Variants in CDC42BPA observed in about 807,000 individuals in gnomAD.
CDC42BPA encodes CDC42 binding protein kinase alpha, also known as serine/threonine-protein kinase MRCK alpha.
A neutral mutation model predicts 223.5 loss-of-function variants in CDC42BPA; 80 were observed. The ratio of observed to expected loss-of-function variants is 0.36; its 90% CI spans 0.30 to 0.43. The LOEUF (loss-of-function observed/expected upper bound fraction) is 0.43, where lower values mean the gene tolerates loss of function less well. Ranked by LOEUF, CDC42BPA falls within the 20% of genes least tolerant of loss-of-function variation. The pLI is 1.00. For synonymous variants in CDC42BPA, 694 were observed against 718.6 expected (o/e 0.97, Z 0.55); for missense variants, 1,743 against 2,099.9 (o/e 0.83, Z 3.32).
chr1:227,058,648 T>C (rs1004833114), intron 21 of CDC42BPA, among the ~76,000 whole-genome samples: 10 of 152,116 alleles, frequency 6.6e-5, no homozygotes, highest in African/African-American at 2.4e-4. Flanking sequence ...TCTCTGGGCA[T>C]GTCAGAATCT....
chr1:227,114,226 C>T (rs1307245112), intron 12 of CDC42BPA, among the ~76,000 whole-genome samples: 1 of 151,862 alleles, frequency 6.6e-6, no homozygotes, highest in Non-Finnish European at 1.5e-5. Flanking sequence ...ATCACCTATT[C>T]CCCATCCTCA....
Position 226,994,214 on chromosome 1 carries a change from AGAG to A in CDC42BPA, c.*51_*53del. ...GAGGTGGAGGGAAGAGATGAAAGTG[AGAG>A]GAGGCGAGTGGCAGGGAGCGGAGAG... is the stretch of plus-strand genomic sequence containing the variant. On this transcript the variant is annotated 3_prime_UTR_variant, in exon 37 of 37. Transcript: ENST00000366766. This position sits in a 1 kb window ranked among gnomAD's most constrained non-coding sequence, Gnocchi z 4.0. The A allele has an allele frequency of 3.3e-6, 5 of 1,526,626 alleles. No homozygotes were observed. Among genetic ancestry groups the A allele is most frequent in the Non-Finnish European group, 4.4e-6 (5 of 1,128,666 alleles). 94.6% of individuals were successfully genotyped at this position (1,526,626 alleles called of 1,614,324 possible).
intron 15 of CDC42BPA, among the ~76,000 whole-genome samples, chr1:227,100,777 T>TGTGTGTGTGC (rs777124731): frequency 1.6e-4 from 21 of 128,604 alleles, no homozygotes; most frequent in African/African-American, 5.4e-4. Flanking sequence ...TGTGTGTGTG[T>TGTGTGTGTGC]GCGTGTGCCA....
chr1:227,205,462 T>C lies in CDC42BPA; in HGVS notation c.355-5810A>G, dbSNP rs74229347. On this transcript the variant is annotated intron_variant, in intron 3 of 36. Transcript: ENST00000366766. ...GCCTTGTAATATGATTTCATTATAATAAAATTTTCTGTTGAGGATAAATAA... is the reference window on the plus strand; with the variant it reads ...GCCTTGTAATATGATTTCATTATAACAAAATTTTCTGTTGAGGATAAATAA... Among the ~76,000 whole-genome samples, 50 of 151,976 alleles carry C rather than the reference T, an allele frequency of 3.3e-4. No homozygotes were observed. In the East Asian group the frequency reaches 9.3e-3, roughly 28 times the overall value.
chr1:227,195,397 T>C (rs1431905193), intron 4 of CDC42BPA, among the ~76,000 whole-genome samples: 2 of 152,122 alleles, frequency 1.3e-5, no homozygotes, highest in African/African-American at 4.8e-5. Context: ...TTTCACCACG[T>C]TGCCCAGGAT....
chr1:227,080,007 T>A (rs556530566), intron 17 of CDC42BPA, among the ~76,000 whole-genome samples: 1 of 115,458 alleles, frequency 8.7e-6, no homozygotes, highest in South Asian at 2.5e-4. Flanking sequence ...TTATAATAAT[T>A]TCTTGTGTAT....
Position 227,119,948 on chromosome 1 carries a change from A to T in CDC42BPA, c.1514-11T>A. 6.4e-7 allele frequency: 1 copy of T among 1,569,184 alleles called. No individual in the cohort carries two copies. Among genetic ancestry groups the T allele is most frequent in the Non-Finnish European group, 8.6e-7 (1 of 1,163,160 alleles). ...CCAAATGACTTGATTCTAAAAACAA[A>T]AGACAATGTTTCTTTTACTATTTGT... is the stretch of plus-strand genomic sequence containing the variant. On this transcript the variant is annotated splice_polypyrimidine_tract_variant and intron_variant, in intron 11 of 36. Coordinates refer to ENST00000366766, the MANE Select transcript of CDC42BPA (RefSeq NM_001394014.1).
At chr1:227,122,697 G>C (rs1294838017) in intron 11 of CDC42BPA, among the ~76,000 whole-genome samples, 1 of 152,174 alleles carries the variant, frequency 6.6e-6, no homozygotes, top group South Asian at 2.1e-4. Context: ...TGTTGGAAAA[G>C]ATAACCCCTC....
At chr1:227,100,894 A>C (rs1024245353) in intron 15 of CDC42BPA, 98 bp downstream of exon 15, 1 of 786,238 alleles carries the variant, frequency 1.3e-6, no homozygotes, top group Admixed American at 3.0e-5. Flanking sequence ...GGTCTCCTTT[A>C]GGTCTAGGAT....
chr1:227,070,648 G>A (rs1015486293), intron 20 of CDC42BPA, among the ~76,000 whole-genome samples: 4 of 151,788 alleles, frequency 2.6e-5, no homozygotes, highest in African/African-American at 9.7e-5. Flanking sequence ...TATTGAGAGT[G>A]TGCCAGACAC....
intron 6 of CDC42BPA, among the ~76,000 whole-genome samples, chr1:227,153,039 C>T (rs1306711239): frequency 6.6e-6 from 1 of 151,448 alleles, no homozygotes; most frequent in Non-Finnish European, 1.5e-5. Context: ...TAATATATAC[C>T]TAACAGCAAA....
At position 227,281,277 on chromosome 1, in the gene CDC42BPA, G is replaced by C. The variant is rs150534769; in HGVS notation, c.179-27122C>G. Among the ~76,000 whole-genome samples, 4 of 152,320 alleles carry C rather than the reference G, an allele frequency of 2.6e-5. No individual in the cohort carries two copies. The East Asian group carries it at 7.7e-4, about 29-fold the overall frequency. Reference sequence around the variant, plus strand: ...CTGCTCTGGTTTTACACAAAACCAGGTGGGGTGTGAGTAGGTCATTGCCCT... The same window carrying C: ...CTGCTCTGGTTTTACACAAAACCAGCTGGGGTGTGAGTAGGTCATTGCCCT... On this transcript the variant is annotated intron_variant, in intron 1 of 36. Transcript: ENST00000366766.
At chr1:227,250,387 C>G (rs1357033378) in intron 2 of CDC42BPA, among the ~76,000 whole-genome samples, 2 of 152,074 alleles carry the variant, frequency 1.3e-5, no homozygotes, top group Non-Finnish European at 2.9e-5. Context: ...ACTCGGGAAG[C>G]TGAGGCAGGA....
chr1:227,055,609 A>C (rs1401282517), intron 21 of CDC42BPA, among the ~76,000 whole-genome samples: 1 of 152,054 alleles, frequency 6.6e-6, no homozygotes, highest in Non-Finnish European at 1.5e-5. Context: ...AAACAAACAT[A>C]ATCATTATTA....
chr1:227,285,041 C>T (rs1035114820), intron 1 of CDC42BPA, among the ~76,000 whole-genome samples: 1 of 151,950 alleles, frequency 6.6e-6, no homozygotes, highest in African/African-American at 2.4e-5. Context: ...GAAACATGGT[C>T]CAACGTTCTC....
intron 34 of CDC42BPA, among the ~76,000 whole-genome samples, chr1:227,014,606 A>G (rs2148476967): frequency 6.6e-6 from 1 of 152,190 alleles, no homozygotes; most frequent in African/African-American, 2.4e-5. Flanking sequence ...CTGCACACCG[A>G]ATTATATTAT....
At chr1:227,250,331 T>C (rs1681750733) in intron 2 of CDC42BPA, among the ~76,000 whole-genome samples, 1 of 151,684 alleles carries the variant, frequency 6.6e-6, no homozygotes, top group Non-Finnish European at 1.5e-5. Context: ...CTACTAAAAA[T>C]ACAAAAACTA....
intron 11 of CDC42BPA, among the ~76,000 whole-genome samples, chr1:227,125,561 C>A (rs2137663): frequency 6.8e-6 from 1 of 147,158 alleles, no homozygotes; most frequent in Admixed American, 6.9e-5. Flanking sequence ...CGCGTCACTG[C>A]ACTCCAGCCT....
In CDC42BPA at chr1:227,035,681, T is replaced by C. The variant is rs1353536164; in HGVS notation, c.3200-74A>G. ...AAGAAAATTCGTAACACTCACTGCA[T>C]ACAAGATGCTATGTTAGATGAATGC... On this transcript the variant is annotated intron_variant, in intron 24 of 36. Transcript: ENST00000366766. The C allele has an allele frequency of 5.8e-6, 6 of 1,029,774 alleles. No homozygotes were observed. The African/African-American group carries it at 8.2e-5, about 14-fold the overall frequency. The allele number at this position is 1,029,774 out of a possible 1,614,324, so 63.8% of individuals were successfully genotyped here.
Sources: allele counts gnomAD v4.1 joint callset (sites outside exome capture counted in the v4.1 genomes callset), GRCh38; gene constraint gnomAD v4.1.1; non-coding constraint Gnocchi (gnomAD v3.1); transcripts MANE v1.5; gene names NCBI Gene and HGNC (gene_info 2026-07-23, HGNC 2026-07-21).